The following UTP11 variants were observed in gnomAD, a reference collection of about 807,000 sequenced individuals.
UTP11 encodes the protein probable U3 small nucleolar RNA-associated protein 11.
In UTP11, 29 loss-of-function variants were observed where a neutral mutation model predicts 39.0. The observed-to-expected ratio is 0.74, with a 90% CI of 0.55 to 1.01. UTP11 has a LOEUF of 1.01. UTP11 is among the 50% of genes least tolerant of loss of function. The probability of loss-of-function intolerance (pLI) is 0.00; values close to 1 mark genes in which losing one functional copy is unlikely to be tolerated. For synonymous variants in UTP11, 111 were observed against 105.0 expected, an observed-to-expected ratio of 1.06 and a Z score of -0.35; for missense variants, 281 against 306.0, an observed-to-expected ratio of 0.92 and a Z score of 0.61.
chr1:38,019,413 A>G, intron 6 of UTP11, 30 bp downstream of exon 6: 1 of 1,486,054 alleles, frequency 6.7e-7, no homozygotes, highest in Non-Finnish European at 9.0e-7. Flanking sequence ...TTCACATGTG[A>G]GCTTAGGGGA....
intron 1 of UTP11, 128 bp from the exon 2 acceptor site, chr1:38,016,231 T>C (rs1259878719): frequency 1.1e-6 from 1 of 916,128 alleles, no homozygotes; most frequent in Non-Finnish European, 1.7e-6. Flanking sequence ...AACAGGGTCA[T>C]GGGTTAGCTC....
chr1:38,013,965 T>C (rs572253859), intron 1 of UTP11, among the ~76,000 whole-genome samples: 1 of 152,364 alleles, frequency 6.6e-6, no homozygotes, highest in South Asian at 2.1e-4. Flanking sequence ...TCCACCCGCC[T>C]TGGCCTCCCA....
chr1:38,013,223 C>A (rs1261674148), intron 1 of UTP11, among the ~76,000 whole-genome samples: 1 of 152,164 alleles, frequency 6.6e-6, no homozygotes, highest in East Asian at 1.9e-4. Flanking sequence ...TTGGATCCCA[C>A]GTCTAATGGG....
intron 1 of UTP11, among the ~76,000 whole-genome samples, chr1:38,014,148 C>T (rs1646693881): frequency 6.6e-6 from 1 of 152,210 alleles, no homozygotes; most frequent in African/African-American, 2.4e-5. Flanking sequence ...AATGAGGAAT[C>T]TGGTGCTTAA....
At chr1:38,013,361 C>A (rs972710864) in intron 1 of UTP11, among the ~76,000 whole-genome samples, 4 of 152,222 alleles carry the variant, frequency 2.6e-5, no homozygotes, top group Non-Finnish European at 4.4e-5. Flanking sequence ...AGCCTTACCC[C>A]TTAATGTTGG....
rs770794404 is a variant in UTP11 at position 38,016,368 on chromosome 1, C to T, written c.73C>T (p.Arg25Ter). ...TTCTTTTGTCTTCTAGCCTGGCTTTCGAAAACATCTGGGCCTGCTGGAGAA... is the reference window on the plus strand; with the variant it reads ...TTCTTTTGTCTTCTAGCCTGGCTTTTGAAAACATCTGGGCCTGCTGGAGAA... ...EHRERSQPGFRKHLGLLEKKK... is the reference protein window; with the variant it reads ...EHRERSQPGF Residue 25 changes from arginine to a stop codon, truncating the protein, a stop_gained, in exon 2 of 8, where the codon CGA (arginine) becomes TGA (stop). Transcript: ENST00000373014. LOFTEE classifies it high-confidence loss of function. The T allele has an allele frequency of 1.2e-5, 19 of 1,614,058 alleles. No homozygotes were observed. Among genetic ancestry groups the T allele is most frequent in the Admixed American group, 1.7e-5 (1 of 60,000 alleles).
rs1027193576 is a variant in UTP11, at chr1:38,024,020, T to G, written c.*392T>G. On this transcript the variant is annotated 3_prime_UTR_variant, in exon 8 of 8. Transcript: ENST00000373014. ...GTCTGAGTAATGTTTAAATTTTCTG[T>G]AGAGACCAGGTTTTGCCATGTTGGC... is the stretch of plus-strand genomic sequence containing the variant. 6.5e-6 allele frequency: 1 copy of G among 154,326 alleles called. No homozygotes were observed. Among genetic ancestry groups the G allele is most frequent in the Non-Finnish European group, 1.4e-5 (1 of 69,564 alleles). The allele number at this position is 154,326 out of a possible 1,614,324, so 9.6% of individuals were successfully genotyped here.
chr1:38,020,504 T>C (rs1285392384), intron 6 of UTP11, among the ~76,000 whole-genome samples: 1 of 152,192 alleles, frequency 6.6e-6, no homozygotes, highest in Non-Finnish European at 1.5e-5. Flanking sequence ...AGACATGCTT[T>C]TCCTGAAAGC....
rs1370097902 is a variant in UTP11 at position 38,024,531 on chromosome 1, T to C, written c.*903T>C. On this transcript the variant is annotated 3_prime_UTR_variant, in exon 8 of 8. Coordinates refer to ENST00000373014, the MANE Select transcript of UTP11 (RefSeq NM_016037.4). ...CATTCTCCTGCCTCAGCCTCCCGAG[T>C]AGCTGGGACTACAGGCGCCCGCCAC... is the stretch of plus-strand genomic sequence containing the variant. The C allele has an allele frequency of 6.6e-6, 1 of 151,548 alleles. No homozygotes were observed. The highest frequency in any genetic ancestry group is 1.5e-5 in the Non-Finnish European group (1 of 67,940). 9.4% of individuals were successfully genotyped at this position (151,548 alleles called of 1,614,324 possible).
chr1:38,017,811 C>G (rs781386896), intron 3 of UTP11, 41 bp downstream of exon 3: 2 of 1,504,924 alleles, frequency 1.3e-6, no homozygotes, highest in Non-Finnish European at 1.8e-6. Context: ...GAGCTCCACA[C>G]ATTGGAAAAT....
chr1:38,017,816 GA>G, intron 3 of UTP11, 46 bp downstream of exon 3: 1 of 1,479,766 alleles, frequency 6.8e-7, no homozygotes, highest in South Asian at 1.2e-5. Flanking sequence ...CCACACATTG[GA>G]AAATAAGGAC....
intron 2 of UTP11, 77 bp downstream of exon 2, chr1:38,016,497 T>G: frequency 6.9e-7 from 1 of 1,459,680 alleles, no homozygotes; most frequent in Non-Finnish European, 9.6e-7. Flanking sequence ...ATTGCCTGAG[T>G]GTCCAACAGG....
intron 6 of UTP11, among the ~76,000 whole-genome samples, chr1:38,020,197 G>A (rs1221554376): frequency 6.6e-6 from 1 of 152,116 alleles, no homozygotes; most frequent in African/African-American, 2.4e-5. Context: ...CACCTTCTGG[G>A]CTTAAGCGAT....
chr1:38,018,589 T>G lies in UTP11; in HGVS notation c.342+12T>G. On this transcript the variant is annotated intron_variant, in intron 4 of 7. Transcript: ENST00000373014. Reference sequence around the variant, plus strand: ...TTGCAGAAGCTAAGGTAATTCACTCTTTGTTCTGATTGGTTTTATTGGTTA... The same window carrying G: ...TTGCAGAAGCTAAGGTAATTCACTCGTTGTTCTGATTGGTTTTATTGGTTA... The G allele has an allele frequency of 6.3e-7, 1 of 1,579,374 alleles. No homozygotes were observed.
intron 2 of UTP11, 23 bp downstream of exon 2, chr1:38,016,443 A>G: frequency 6.2e-7 from 1 of 1,613,494 alleles, no homozygotes; most frequent in African/African-American, 1.3e-5. Flanking sequence ...TTTCTGGTAG[A>G]GGCGCTGCCA....
chr1:38,012,850 CAGAG>C lies in UTP11; in HGVS notation c.51_54del (p.Arg17SerfsTer53). On this transcript the variant is annotated frameshift_variant, in exon 1 of 8. Coordinates refer to ENST00000373014, the MANE Select transcript of UTP11 (RefSeq NM_016037.4). LOFTEE classifies it high-confidence loss of function. Reference sequence around the variant, plus strand: ...CGGCTAAGTCCCGGCAGCGGGAACACAGAGAGCGAAGCCAGGTAGGACCATACAG... The same window carrying C: ...CGGCTAAGTCCCGGCAGCGGGAACACAGCGAAGCCAGGTAGGACCATACAG... The C allele has an allele frequency of 1.2e-6, 2 of 1,614,252 alleles. No individual in the cohort carries two copies. Among genetic ancestry groups the C allele is most frequent in the South Asian group, 2.2e-5 (2 of 91,090 alleles).
chr1:38,023,800 G>T lies in UTP11; in HGVS notation c.*172G>T. 2.1e-6 allele frequency: 1 copy of T among 476,828 alleles called. No individual in the cohort carries two copies. Among genetic ancestry groups the T allele is most frequent in the Non-Finnish European group, 3.6e-6 (1 of 277,248 alleles). 29.5% of individuals were successfully genotyped at this position (476,828 alleles called of 1,614,324 possible). A position where few individuals can be genotyped will look rare whatever the true frequency, so the allele number is the denominator to read the frequency against. Reference sequence around the variant, plus strand: ...ACAACATTAAATCTCCCTCCCTTCTGTAATTGTTTTTGGATTGTGAAATTA... The same window carrying T: ...ACAACATTAAATCTCCCTCCCTTCTTTAATTGTTTTTGGATTGTGAAATTA... On this transcript the variant is annotated 3_prime_UTR_variant, in exon 8 of 8. Transcript: ENST00000373014.
chr1:38,014,910 C>A (rs902087504), intron 1 of UTP11, among the ~76,000 whole-genome samples: 1 of 152,144 alleles, frequency 6.6e-6, no homozygotes, highest in East Asian at 1.9e-4. Context: ...TACCAAAGTG[C>A]TAGGATTGCA....
rs1483225575 is a variant in UTP11, at chr1:38,023,891, T to TG, written c.*264dup. 1.5e-5 allele frequency: 4 copies of TG among 261,578 alleles called. No homozygotes were observed. The highest frequency in any genetic ancestry group is 1.1e-4 in the Admixed American group (2 of 18,046). The allele number at this position is 261,578 out of a possible 1,614,324, so 16.2% of individuals were successfully genotyped here. On this transcript the variant is annotated 3_prime_UTR_variant, in exon 8 of 8. Transcript: ENST00000373014. ...AGGGTCTTTGTTGCCAGGCTGGAAG[T>TG]GCAGTGTGTGATTATGGCTCACTGC...
Sources: allele counts gnomAD v4.1 joint callset (sites outside exome capture counted in the v4.1 genomes callset), GRCh38; gene constraint gnomAD v4.1.1; transcripts MANE v1.5; gene names NCBI Gene and HGNC (gene_info 2026-07-23, HGNC 2026-07-21).